The following REDIC1 variants were observed in gnomAD, a reference collection of about 807,000 sequenced individuals.
REDIC1 encodes HEI10 Interacting Protein 1.
the REDIC1 span, among the ~76,000 whole-genome samples, chr12:39,712,078 A>ATGTATATATACATACATATATACC: frequency 8.0e-6 from 1 of 124,568 alleles, no homozygotes; most frequent in African/African-American, 2.9e-5. Flanking sequence ...ATATACCGGT[A>ATGTATATATACATACATATATACC]TGTATATATA....
the REDIC1 span, among the ~76,000 whole-genome samples, chr12:39,835,251 G>T: frequency 1.3e-5 from 2 of 152,138 alleles, no homozygotes; most frequent in Middle Eastern, 6.8e-3. Context: ...AGCACACATT[G>T]TCTAACAATC....
chr12:39,697,709 A>C, the REDIC1 span, among the ~76,000 whole-genome samples: 1 of 152,196 alleles, frequency 6.6e-6, no homozygotes, highest in Non-Finnish European at 1.5e-5. Context: ...GAGTTCTAAG[A>C]TTGTATTTCC....
the REDIC1 span, among the ~76,000 whole-genome samples, chr12:39,689,557 A>G: frequency 6.6e-6 from 1 of 152,192 alleles, no homozygotes; most frequent in African/African-American, 2.4e-5. Context: ...GACTACATCC[A>G]AGTATATGAT....
chr12:39,676,979 C>A, the REDIC1 span, among the ~76,000 whole-genome samples: 1 of 151,002 alleles, frequency 6.6e-6, no homozygotes, highest in Non-Finnish European at 1.5e-5. Flanking sequence ...CAAAATAGAA[C>A]CTCCTTAAAG....
chr12:39,704,663 G>A, the REDIC1 span, among the ~76,000 whole-genome samples: 1 of 152,094 alleles, frequency 6.6e-6, no homozygotes, highest in Non-Finnish European at 1.5e-5. Flanking sequence ...CAAAGACTTG[G>A]AACCAACCCA....
At chr12:39,685,828 G>A in the REDIC1 span, among the ~76,000 whole-genome samples, 2 of 152,256 alleles carry the variant, frequency 1.3e-5, no homozygotes, top group Non-Finnish European at 2.9e-5. Flanking sequence ...ATTCAATGGC[G>A]GTACAAGCAT....
chr12:39,854,426 G>C, the REDIC1 span, among the ~76,000 whole-genome samples: 4 of 152,200 alleles, frequency 2.6e-5, no homozygotes, highest in East Asian at 3.9e-4. Flanking sequence ...TATTGGCTGG[G>C]GCCACATAAT....
At chr12:39,714,029 A>T in the REDIC1 span, among the ~76,000 whole-genome samples, 1 of 40,586 alleles carries the variant, frequency 2.5e-5, no homozygotes, top group African/African-American at 6.6e-5. Context: ...ATATAAGTAT[A>T]TATACATGTA....
chr12:39,712,624 T>C, the REDIC1 span, among the ~76,000 whole-genome samples: 1 of 145,536 alleles, frequency 6.9e-6, no homozygotes, highest in East Asian at 2.0e-4. Flanking sequence ...TAGATATGTG[T>C]ATATATGTAT....
the REDIC1 span, among the ~76,000 whole-genome samples, chr12:39,803,820 AAAATAT>A: frequency 6.6e-6 from 1 of 152,208 alleles, no homozygotes; most frequent in East Asian, 1.9e-4. Context: ...GTAATATCTG[AAAATAT>A]AATGGCTGAG....
chr12:39,699,628 A>G, the REDIC1 span, among the ~76,000 whole-genome samples: 2 of 152,128 alleles, frequency 1.3e-5, no homozygotes, highest in Admixed American at 6.5e-5. Context: ...CTGCCTCTGT[A>G]GGCTCCACCT....
chr12:39,668,459 G>A, the REDIC1 span, among the ~76,000 whole-genome samples: 7 of 152,136 alleles, frequency 4.6e-5, no homozygotes, highest in Non-Finnish European at 8.8e-5. Context: ...TGGGCTTCCC[G>A]TTGTGGGTAA....
At chr12:39,695,387 C>T in the REDIC1 span, among the ~76,000 whole-genome samples, 17 of 152,194 alleles carry the variant, frequency 1.1e-4, no homozygotes, top group East Asian at 1.9e-4. Context: ...AAGAGTGACT[C>T]GCAGCCTAGG....
At chr12:39,742,828 C>G in the REDIC1 span, among the ~76,000 whole-genome samples, 1 of 152,064 alleles carries the variant, frequency 6.6e-6, no homozygotes, top group Non-Finnish European at 1.5e-5. Context: ...ATTGCTGTCC[C>G]CCAAATTGGA....
At chr12:39,720,812 C>T in the REDIC1 span, 1 of 1,610,874 alleles carries the variant, frequency 6.2e-7, no homozygotes, top group Non-Finnish European at 8.5e-7. Context: ...GATCAAATAT[C>T]ACAGCAAATT....
the REDIC1 span, among the ~76,000 whole-genome samples, chr12:39,762,325 C>T: frequency 1.3e-5 from 2 of 149,674 alleles, no homozygotes; most frequent in African/African-American, 2.4e-5. Flanking sequence ...AGATATTCCT[C>T]ACCTTTATTC....
At chr12:39,747,712 G>C in the REDIC1 span, among the ~76,000 whole-genome samples, 1 of 152,242 alleles carries the variant, frequency 6.6e-6, no homozygotes, top group Non-Finnish European at 1.5e-5. Flanking sequence ...AAGCCCATCA[G>C]ACTAACAGCT....
the REDIC1 span, among the ~76,000 whole-genome samples, chr12:39,846,667 C>T: frequency 6.6e-6 from 1 of 152,168 alleles, no homozygotes; most frequent in East Asian, 1.9e-4. Context: ...GCCCAGGCTG[C>T]TCTTGAACTC....
the REDIC1 span, among the ~76,000 whole-genome samples, chr12:39,848,092 C>T: frequency 6.6e-6 from 1 of 152,056 alleles, no homozygotes; most frequent in African/African-American, 2.4e-5. Context: ...ACAACCTAGG[C>T]AATACCATCC....
Sources: gnomAD v4.1 joint callset for allele counts (sites outside exome capture counted in the v4.1 genomes callset) on GRCh38, gnomAD v4.1.1 for gene constraint, MANE v1.5 for transcripts, NCBI Gene and HGNC (gene_info 2026-07-23, HGNC 2026-07-21) for gene names.